The following CFAP96 variants were observed in gnomAD, a reference collection of about 807,000 sequenced individuals.
CFAP96 encodes cilia-and flagella-associated protein 96.
the CFAP96 span, among the ~76,000 whole-genome samples, chr4:185,419,898 G>A: frequency 1.3e-5 from 2 of 152,172 alleles, no homozygotes; most frequent in Non-Finnish European, 2.9e-5. Flanking sequence ...GTTTCTGTGT[G>A]GATGTGTTTT....
At chr4:185,435,423 T>G in the CFAP96 span, among the ~76,000 whole-genome samples, 9 of 152,358 alleles carry the variant, frequency 5.9e-5, no homozygotes, top group East Asian at 1.7e-3. Flanking sequence ...AATTAGAGAC[T>G]ATGACTGTTG....
chr4:185,443,335 TA>T, the CFAP96 span, among the ~76,000 whole-genome samples: 763 of 35,822 alleles, frequency 0.021, 8 homozygotes, highest in East Asian at 0.15. Flanking sequence ...TATATATATA[TA>T]TATATATTTT....
chr4:185,445,402 A>G, the CFAP96 span: 1 of 893,600 alleles, frequency 1.1e-6, no homozygotes. Flanking sequence ...GCGCCTCATT[A>G]TGAGTCATTT....
At chr4:185,414,396 T>C in the CFAP96 span, among the ~76,000 whole-genome samples, 1 of 152,246 alleles carries the variant, frequency 6.6e-6, no homozygotes, top group Admixed American at 6.5e-5. Context: ...AATGTGTTAT[T>C]TTCCCAACTA....
chr4:185,426,806 CG>C, the CFAP96 span, among the ~76,000 whole-genome samples: 1 of 145,332 alleles, frequency 6.9e-6, no homozygotes, highest in Non-Finnish European at 1.5e-5. Flanking sequence ...CCAAGGCAGA[CG>C]CATCACCTGC....
At chr4:185,440,045 TA>T in the CFAP96 span, among the ~76,000 whole-genome samples, 1 of 149,490 alleles carries the variant, frequency 6.7e-6, no homozygotes, top group African/African-American at 2.5e-5. Flanking sequence ...TTTTTAATTA[TA>T]AAAATGTTAT....
At chr4:185,422,348 T>A in the CFAP96 span, 2 of 682,808 alleles carry the variant, frequency 2.9e-6, no homozygotes, top group African/African-American at 3.7e-5. Flanking sequence ...TAAGTGTAAG[T>A]CCCATTTAAT....
At chr4:185,444,818 C>T in the CFAP96 span, 1 of 667,646 alleles carries the variant, frequency 1.5e-6, no homozygotes, top group East Asian at 2.8e-5. Flanking sequence ...GGTAGGGAGA[C>T]CTTTTGGTGG....
chr4:185,422,534 G>A, the CFAP96 span: 2 of 1,611,422 alleles, frequency 1.2e-6, no homozygotes, highest in African/African-American at 1.3e-5. Context: ...CTCTTATTCT[G>A]AAGAGTATAT....
At chr4:185,449,712 G>GA in the CFAP96 span, 6 of 1,098,860 alleles carry the variant, frequency 5.5e-6, no homozygotes, top group Non-Finnish European at 6.4e-6. Flanking sequence ...CTAATTATTT[G>GA]AAAAAATATA....
At chr4:185,429,420 G>A in the CFAP96 span, 19 of 1,532,814 alleles carry the variant, frequency 1.2e-5, no homozygotes, top group South Asian at 2.1e-4. Context: ...CCATGCCTGC[G>A]GAAGGAGGAA....
chr4:185,430,217 A>G, the CFAP96 span, among the ~76,000 whole-genome samples: 2 of 152,248 alleles, frequency 1.3e-5, no homozygotes, highest in African/African-American at 4.8e-5. Flanking sequence ...TACAAAAGTC[A>G]TAAATAATAA....
At chr4:185,442,369 T>C in the CFAP96 span, among the ~76,000 whole-genome samples, 1 of 152,116 alleles carries the variant, frequency 6.6e-6, no homozygotes, top group Non-Finnish European at 1.5e-5. Context: ...GTATTTTATA[T>C]TGCATAGGTT....
the CFAP96 span, among the ~76,000 whole-genome samples, chr4:185,417,993 G>A: frequency 4.7e-5 from 7 of 150,362 alleles, no homozygotes; most frequent in African/African-American, 1.5e-4. Flanking sequence ...GCAGTGAGCC[G>A]AGATCGTGCC....
chr4:185,423,302 A>C, the CFAP96 span, among the ~76,000 whole-genome samples: 1 of 152,276 alleles, frequency 6.6e-6, no homozygotes, highest in African/African-American at 2.4e-5. Context: ...ACAGTAAAGA[A>C]CTAGTTTAAG....
chr4:185,446,603 G>C, the CFAP96 span, among the ~76,000 whole-genome samples: 1 of 151,926 alleles, frequency 6.6e-6, no homozygotes, highest in East Asian at 1.9e-4. Context: ...TATCAATCAG[G>C]GACTACCTAG....
chr4:185,411,883 C>A, the CFAP96 span, among the ~76,000 whole-genome samples: 1 of 152,084 alleles, frequency 6.6e-6, no homozygotes, highest in South Asian at 2.1e-4. Context: ...CAGAATGATA[C>A]CATATTTATA....
the CFAP96 span, chr4:185,432,049 T>G: frequency 6.4e-7 from 1 of 1,551,648 alleles, no homozygotes; most frequent in African/African-American, 1.4e-5. Flanking sequence ...AAATGTCAGA[T>G]CTTCAGGCAG....
the CFAP96 span, chr4:185,444,960 G>T: frequency 1.3e-6 from 2 of 1,540,158 alleles, no homozygotes; most frequent in Non-Finnish European, 1.8e-6. Flanking sequence ...GTTTTTCTTC[G>T]CAGCCTGGTG....
Sources: gnomAD v4.1 joint callset for allele counts (sites outside exome capture counted in the v4.1 genomes callset) on GRCh38, gnomAD v4.1.1 for gene constraint, MANE v1.5 for transcripts, NCBI Gene and HGNC (gene_info 2026-07-23, HGNC 2026-07-21) for gene names.